Variants in PIK3C2G observed in about 807,000 individuals in gnomAD.
PIK3C2G encodes phosphatidylinositol 3-kinase C2 domain-containing subunit gamma.
A neutral mutation model predicts 181.1 loss-of-function variants in PIK3C2G; 168 were observed. The observed-to-expected ratio is 0.93, with a 90% CI of 0.82 to 1.05. The LOEUF (loss-of-function observed/expected upper bound fraction) is 1.05, where lower values mean the gene tolerates loss of function less well. Ranked by LOEUF, PIK3C2G falls within the 50% of genes least tolerant of loss-of-function variation. The probability of loss-of-function intolerance (pLI) is 0.00; values close to 1 mark genes in which losing one functional copy is unlikely to be tolerated. For synonymous variants in PIK3C2G, 573 were observed against 592.2 expected, an observed-to-expected ratio of 0.97 and a Z score of 0.47; for missense variants, 1,869 against 1,732.8, an observed-to-expected ratio of 1.08 and a Z score of -1.40.
chr12:18,410,653 A>G (rs1391712987), intron 16 of PIK3C2G, among the ~76,000 whole-genome samples: 2 of 152,170 alleles, frequency 1.3e-5, no homozygotes, highest in African/African-American at 4.8e-5. Flanking sequence ...CCACAGAAGG[A>G]TGTGAATTAA....
intron 12 of PIK3C2G, 55 bp from the exon 13 acceptor site, chr12:18,371,125 A>G: frequency 7.1e-7 from 1 of 1,404,992 alleles, no homozygotes; most frequent in Middle Eastern, 1.8e-4. Context: ...GAACATTTTC[A>G]TTAAAATATC....
upstream of PIK3C2G, among the ~76,000 whole-genome samples, chr12:18,246,136 A>G (rs1948037599): frequency 6.6e-6 from 1 of 152,140 alleles, no homozygotes; most frequent in South Asian, 2.1e-4. Context: ...TACCATGATC[A>G]TCTTTTGCAA....
rs566299818 is a variant in PIK3C2G, at chr12:18,647,677, C to T, written c.4309-199C>T. Among the ~76,000 whole-genome samples, 43 of 152,086 alleles carry T rather than the reference C, an allele frequency of 2.8e-4. 1 individual carries two copies. The highest frequency in any genetic ancestry group is 1.0e-3 in the African/African-American group (43 of 41,476). On this transcript the variant is annotated intron_variant, in intron 32 of 32. Transcript: ENST00000538779. ...ATTCTAGGATTCTTACAAAAATAGC[C>T]TGTCATTAAACTCTATTGTGTTAGC...
chr12:18,532,838 C>CTGA (rs1943630139), intron 24 of PIK3C2G, among the ~76,000 whole-genome samples: 1 of 150,760 alleles, frequency 6.6e-6, no homozygotes, highest in Admixed American at 6.6e-5. Flanking sequence ...AGTGTCTTCC[C>CTGA]TGATATTTAA....
intron 29 of PIK3C2G, among the ~76,000 whole-genome samples, chr12:18,580,131 C>CAAAA (rs34226663): frequency 3.5e-4 from 37 of 106,360 alleles, no homozygotes; most frequent in African/African-American, 7.2e-4. Flanking sequence ...GACTCTGTCT[C>CAAAA]AAAAAAAAAA....
intron 7 of PIK3C2G, among the ~76,000 whole-genome samples, chr12:18,321,678 C>A (rs548879483): frequency 6.6e-6 from 1 of 152,010 alleles, no homozygotes; most frequent in South Asian, 2.1e-4. Context: ...GCTAAATTTA[C>A]GATAGCAAAG....
chr12:18,350,641 T>C (rs1940134694), intron 11 of PIK3C2G, among the ~76,000 whole-genome samples: 1 of 152,192 alleles, frequency 6.6e-6, no homozygotes, highest in Non-Finnish European at 1.5e-5. Flanking sequence ...TAAACTTGGC[T>C]CATCGTATTA....
At chr12:18,615,737 C>T (rs765646302) in intron 31 of PIK3C2G, among the ~76,000 whole-genome samples, 15 of 151,830 alleles carry the variant, frequency 9.9e-5, no homozygotes, top group African/African-American at 3.6e-4. Context: ...CAACAGTCTC[C>T]ATTGATTCAT....
chr12:18,666,472 G>A, the PIK3C2G span, among the ~76,000 whole-genome samples: 3 of 152,122 alleles, frequency 2.0e-5, no homozygotes, highest in African/African-American at 4.8e-5. Context: ...ATTGTTGCAC[G>A]AGACAAAGAA....
intron 31 of PIK3C2G, among the ~76,000 whole-genome samples, chr12:18,615,458 T>A (rs1288432859): frequency 6.6e-6 from 1 of 151,104 alleles, no homozygotes; most frequent in East Asian, 1.9e-4. Flanking sequence ...ATATATATCA[T>A]TTTTTTTCAC....
At chr12:18,249,442 C>T (rs1948073914) in intron 1 of PIK3C2G, among the ~76,000 whole-genome samples, 3 of 152,140 alleles carry the variant, frequency 2.0e-5, no homozygotes. Context: ...TCCCTGACTT[C>T]CACTACAAGT....
chr12:18,382,116 G>A (rs1312688520), intron 14 of PIK3C2G, among the ~76,000 whole-genome samples: 2 of 152,136 alleles, frequency 1.3e-5, no homozygotes, highest in Admixed American at 6.5e-5. Context: ...ACAAGGTCAT[G>A]TTGGAGAACT....
At chr12:18,532,491 T>C (rs1297001500) in intron 24 of PIK3C2G, among the ~76,000 whole-genome samples, 1 of 152,188 alleles carries the variant, frequency 6.6e-6, no homozygotes, top group Non-Finnish European at 1.5e-5. Flanking sequence ...TAAGTTAATT[T>C]TTGTATTAGG....
intron 28 of PIK3C2G, among the ~76,000 whole-genome samples, chr12:18,563,871 T>C (rs1453541397): frequency 6.6e-6 from 1 of 151,340 alleles, no homozygotes; most frequent in Non-Finnish European, 1.5e-5. Context: ...ATTGGATATG[T>C]TTACTTTTTC....
chr12:18,590,408 G>A (rs550809936), intron 29 of PIK3C2G, among the ~76,000 whole-genome samples: 1 of 151,732 alleles, frequency 6.6e-6, no homozygotes, highest in Non-Finnish European at 1.5e-5. Flanking sequence ...CCAAAATATT[G>A]TATGGGTACC....
intron 9 of PIK3C2G, among the ~76,000 whole-genome samples, chr12:18,342,656 A>G (rs1939251849): frequency 6.6e-6 from 1 of 151,948 alleles, no homozygotes; most frequent in Non-Finnish European, 1.5e-5. Context: ...TTTAGTTACA[A>G]CCAGCAAATC....
intron 1 of PIK3C2G, among the ~76,000 whole-genome samples, chr12:18,271,746 G>C (rs528240010): frequency 6.6e-6 from 1 of 152,100 alleles, no homozygotes; most frequent in Non-Finnish European, 1.5e-5. Flanking sequence ...CTTTAAAAAA[G>C]ACTTATGGAA....
At chr12:18,717,060 TA>T in the PIK3C2G span, among the ~76,000 whole-genome samples, 1 of 152,054 alleles carries the variant, frequency 6.6e-6, no homozygotes, top group Non-Finnish European at 1.5e-5. Context: ...CAAGGAAAAA[TA>T]TTTTGAAAGA....
intron 29 of PIK3C2G, among the ~76,000 whole-genome samples, chr12:18,581,166 G>A (rs576604458): frequency 2.0e-5 from 3 of 152,164 alleles, no homozygotes; most frequent in African/African-American, 7.2e-5. Context: ...GGCAAACAAA[G>A]TATCTGAACT....
Sources: allele counts gnomAD v4.1 joint callset (sites outside exome capture counted in the v4.1 genomes callset), GRCh38; gene constraint gnomAD v4.1.1; transcripts MANE v1.5; gene names NCBI Gene and HGNC (gene_info 2026-07-23, HGNC 2026-07-21).